Variants in UTRN observed in about 807,000 individuals in gnomAD.
The protein encoded by UTRN is utrophin.
Under a neutral mutation model 463.9 loss-of-function variants are expected in UTRN, and 283 were observed. The ratio of observed to expected loss-of-function variants is 0.61; its 90% CI spans 0.55 to 0.67. The LOEUF (loss-of-function observed/expected upper bound fraction) is 0.67, where lower values mean the gene tolerates loss of function less well. Among genes scored for constraint, UTRN ranks in the 30% least tolerant of loss-of-function variants. The pLI, the probability that UTRN is intolerant of heterozygous loss-of-function variation, is 0.00. For missense variants in UTRN, 3,922 were observed against 4,084.3 expected (o/e 0.96, Z 1.08); for synonymous variants, 1,442 against 1,431.5 (o/e 1.01, Z -0.17).
chr6:144,296,303 A>T (rs756990514), intron 2 of UTRN, among the ~76,000 whole-genome samples: 2 of 152,222 alleles, frequency 1.3e-5, no homozygotes, highest in Non-Finnish European at 1.5e-5. Flanking sequence ...TGAACCGCAC[A>T]TGCGAGGGAT....
At chr6:144,402,245 T>G (rs1274883395) in intron 2 of UTRN, among the ~76,000 whole-genome samples, 1 of 152,220 alleles carries the variant, frequency 6.6e-6, no homozygotes, top group Non-Finnish European at 1.5e-5. Context: ...TTTACAATAC[T>G]CTTGCAAGCT....
chr6:144,371,672 C>T (rs185556980), intron 2 of UTRN, among the ~76,000 whole-genome samples: 15 of 149,702 alleles, frequency 1.0e-4, no homozygotes, highest in East Asian at 5.8e-4. Flanking sequence ...CCTCCCAAAG[C>T]GCTGGGATTA....
chr6:144,442,774 A>C (rs538033394), intron 13 of UTRN, among the ~76,000 whole-genome samples: 5 of 152,326 alleles, frequency 3.3e-5, no homozygotes, highest in African/African-American at 1.2e-4. Flanking sequence ...TGGTAGTTAT[A>C]ATGCAAGATG....
chr6:144,566,609 T>C (rs1800425215), intron 50 of UTRN, among the ~76,000 whole-genome samples: 1 of 152,094 alleles, frequency 6.6e-6, no homozygotes. Context: ...AGACCTTAAG[T>C]TGGATTTCAA....
At chr6:144,628,276 C>A (rs1776153405) in intron 51 of UTRN, among the ~76,000 whole-genome samples, 2 of 152,182 alleles carry the variant, frequency 1.3e-5, no homozygotes, top group South Asian at 4.1e-4. Flanking sequence ...TCTATATAAA[C>A]ATGACGTTTT....
chr6:144,643,029 G>A (rs1777920849), intron 51 of UTRN, among the ~76,000 whole-genome samples: 1 of 151,818 alleles, frequency 6.6e-6, no homozygotes, highest in Non-Finnish European at 1.5e-5. Context: ...ATTTTTCCTG[G>A]AGTTATTATT....
intron 2 of UTRN, among the ~76,000 whole-genome samples, chr6:144,359,361 C>G (rs1388844616): frequency 6.6e-6 from 1 of 152,152 alleles, no homozygotes; most frequent in African/African-American, 2.4e-5. Flanking sequence ...AGTAGAACAG[C>G]CTGGCACTGA....
At chr6:144,802,216 A>G (rs1255523096) in intron 64 of UTRN, among the ~76,000 whole-genome samples, 5 of 152,222 alleles carry the variant, frequency 3.3e-5, no homozygotes, top group African/African-American at 1.2e-4. Context: ...GTTTCAAACC[A>G]ATAGCCTCCT....
intron 61 of UTRN, among the ~76,000 whole-genome samples, chr6:144,783,195 CAA>C (rs11354387): frequency 2.0e-4 from 27 of 135,702 alleles, no homozygotes; most frequent in Admixed American, 3.8e-4. Context: ...GACTCTGTCT[CAA>C]AAAAAAAAAA....
chr6:144,338,220 CAT>C (rs765951467), intron 2 of UTRN, among the ~76,000 whole-genome samples: 24 of 152,006 alleles, frequency 1.6e-4, no homozygotes, highest in African/African-American at 2.4e-4. Flanking sequence ...TATTTTTAGA[CAT>C]GTGCTTTTAA....
At position 144,836,406 on chromosome 6, in the gene UTRN, G is replaced by C. The variant is rs748187376; in HGVS notation, c.9930G>C (p.Glu3310Asp). 37 of 1,613,934 alleles carry C rather than the reference G, an allele frequency of 2.3e-5. No individual in the cohort carries two copies. The highest frequency in any genetic ancestry group is 3.1e-5 in the Non-Finnish European group (36 of 1,179,916). ...TTATATCTCCCCATCACACGTCTGAGGATTCAGAACTTATAGCAGAAGCAA... is the reference window on the plus strand; with the variant it reads ...TTATATCTCCCCATCACACGTCTGACGATTCAGAACTTATAGCAGAAGCAA... ...ESIISPHHTS[E>D]DSELIAEAKL... is the part of the protein sequence containing the mutation. The change falls in exon 71 of 75, where the codon GAG becomes GAC. Residue 3310 changes from glutamate to aspartate, a missense_variant. This residue lies in a region of UTRN where 1,309 missense variants were observed against 1,452.6 expected (regional missense o/e 0.90). Coordinates refer to ENST00000367545, the MANE Select transcript of UTRN (RefSeq NM_007124.3).
Position 144,557,236 on chromosome 6 carries a change from A to G in UTRN, c.7214A>G (p.Tyr2405Cys), listed in dbSNP as rs1799468142. The change falls in exon 50 of 75, where the codon TAT becomes TGT. Residue 2405 changes from tyrosine to cysteine, a missense_variant. Physicochemically the swap from Tyr to Cys is radical, Grantham distance 194 (BLOSUM62 -2). Coordinates refer to ENST00000367545, the MANE Select transcript of UTRN (RefSeq NM_007124.3). ...DNVLQKLLEE[Y>C]GSDDTRNVKE... Reference sequence around the variant, plus strand: ...GTCCTGCAGAAACTCCTGGAGGAATATGGGAGTGATGACACAAGGAATGTG... The same window carrying G: ...GTCCTGCAGAAACTCCTGGAGGAATGTGGGAGTGATGACACAAGGAATGTG... 2 of 1,613,876 alleles carry G rather than the reference A, an allele frequency of 1.2e-6. No individual in the cohort carries two copies. The highest frequency in any genetic ancestry group is 1.3e-5 in the African/African-American group (1 of 74,912).
At chr6:144,533,972 T>A (rs1797307609) in intron 43 of UTRN, among the ~76,000 whole-genome samples, 1 of 152,170 alleles carries the variant, frequency 6.6e-6, no homozygotes, top group Non-Finnish European at 1.5e-5. Context: ...TGTTTCTTGT[T>A]GGTAGTTTAG....
At chr6:144,626,300 TC>T (rs1775934214) in intron 51 of UTRN, among the ~76,000 whole-genome samples, 1 of 152,194 alleles carries the variant, frequency 6.6e-6, no homozygotes, top group Non-Finnish European at 1.5e-5. Flanking sequence ...TAGTTTGTTA[TC>T]CCAAGCATGG....
At chr6:144,678,365 T>G in intron 51 of UTRN, 41 bp from the exon 52 acceptor site, 1 of 1,584,482 alleles carries the variant, frequency 6.3e-7, no homozygotes, top group African/African-American at 1.3e-5. Flanking sequence ...GATATACTGA[T>G]TCCTAACACT....
chr6:144,607,644 G>C (rs111866569), intron 51 of UTRN, among the ~76,000 whole-genome samples: 4 of 152,102 alleles, frequency 2.6e-5, no homozygotes, highest in Non-Finnish European at 1.5e-5. Flanking sequence ...TTGTACACTA[G>C]ACTTCATCAG....
intron 25 of UTRN, among the ~76,000 whole-genome samples, chr6:144,478,017 A>G (rs1467834767): frequency 6.6e-6 from 1 of 152,210 alleles, no homozygotes; most frequent in East Asian, 1.9e-4. Flanking sequence ...GAAGGAGGTA[A>G]CCACATGTGT....
chr6:144,606,840 A>G (rs535445562), intron 51 of UTRN, among the ~76,000 whole-genome samples: 1 of 152,298 alleles, frequency 6.6e-6, no homozygotes, highest in East Asian at 1.9e-4. Flanking sequence ...AGTGAAGTGT[A>G]AGTCAATTAG....
At chr6:144,433,046 T>G (rs1005528226) in intron 9 of UTRN, among the ~76,000 whole-genome samples, 1 of 152,182 alleles carries the variant, frequency 6.6e-6, no homozygotes, top group Non-Finnish European at 1.5e-5. Flanking sequence ...AGAATTTTTC[T>G]TAGTACAGAA....
Sources: gnomAD v4.1 joint callset for allele counts (sites outside exome capture counted in the v4.1 genomes callset) on GRCh38, gnomAD v4.1.1 for gene constraint, gnomAD v4.1.1 regional missense constraint, MANE v1.5 for transcripts, NCBI Gene and HGNC (gene_info 2026-07-23, HGNC 2026-07-21) for gene names.